Variants in GPR161 observed in about 807,000 individuals in gnomAD.
GPR161 encodes the protein G protein-coupled receptor 161, also known as G-protein coupled receptor RE2.
In GPR161, 25 loss-of-function variants were observed where a neutral mutation model predicts 39.2. The observed-to-expected ratio is 0.64, with a 90% CI of 0.47 to 0.89. The LOEUF is 0.89. Among genes scored for constraint, GPR161 ranks in the 40% least tolerant of loss-of-function variants. GPR161 has a pLI of 0.00. For synonymous variants in GPR161, 286 were observed against 276.6 expected, an observed-to-expected ratio of 1.03 and a Z score of -0.34; for missense variants, 547 against 677.8, an observed-to-expected ratio of 0.81 and a Z score of 2.14.
At chr1:168,126,450 A>ATTGTT (rs775190879) in intron 1 of GPR161, among the ~76,000 whole-genome samples, 13 of 150,474 alleles carry the variant, frequency 8.6e-5, no homozygotes, top group Non-Finnish European at 1.5e-4. Flanking sequence ...TAATACAAGT[A>ATTGTT]TTGTTTTGTT....
intron 1 of GPR161, among the ~76,000 whole-genome samples, chr1:168,105,649 G>A (rs964113602): frequency 6.6e-6 from 1 of 152,322 alleles, no homozygotes; most frequent in East Asian, 1.9e-4. Flanking sequence ...TGGGGAAGTA[G>A]AGGCACCATT....
At chr1:168,088,564 G>C (rs566471223) in intron 4 of GPR161, 3 of 152,208 alleles carry the variant, frequency 2.0e-5, no homozygotes, top group African/African-American at 7.2e-5. Context: ...ACAGACCTAG[G>C]ATCACTGGCA....
intron 1 of GPR161, among the ~76,000 whole-genome samples, chr1:168,110,982 T>G (rs760608121): frequency 6.6e-6 from 1 of 150,688 alleles, no homozygotes; most frequent in Non-Finnish European, 1.5e-5. Flanking sequence ...CGAATGGGTA[T>G]GTTAAACAGC....
rs1474339079 is a variant in GPR161, at chr1:168,080,567, G to GGTA, written c.*4961_*4963dup. On this transcript the variant is annotated 3_prime_UTR_variant, in exon 6 of 6. Transcript: ENST00000682931. ...CATCTGGGGTTCTGCATATATTGTG[G>GGTA]GTAGCATCCCTGCCCTGCCTCTTAG... 6.6e-6 allele frequency: 1 copy of GGTA among 152,192 alleles called. No homozygotes were observed. Among genetic ancestry groups the GGTA allele is most frequent in the Non-Finnish European group, 1.5e-5 (1 of 68,078 alleles). The allele number at this position is 152,192 out of a possible 1,614,324, so 9.4% of individuals were successfully genotyped here.
At chr1:168,085,924 A>G (rs1392754580) in intron 5 of GPR161, 128 bp from the exon 6 acceptor site, 3 of 769,774 alleles carry the variant, frequency 3.9e-6, no homozygotes, top group Non-Finnish European at 6.1e-6. Flanking sequence ...GTGGGTTTCA[A>G]AGTTCCATTC....
At chr1:168,104,062 T>C (rs1248853164) in intron 2 of GPR161, among the ~76,000 whole-genome samples, 1 of 152,094 alleles carries the variant, frequency 6.6e-6, no homozygotes, top group Non-Finnish European at 1.5e-5. Flanking sequence ...CTGTGGGCAG[T>C]GAGGGTGTTC....
intron 1 of GPR161, among the ~76,000 whole-genome samples, chr1:168,123,480 G>GTCTA (rs757941433): frequency 1.2e-4 from 18 of 150,496 alleles, no homozygotes; most frequent in African/African-American, 3.4e-4. Context: ...GTATGTATCT[G>GTCTA]TCTATCTATC....
At chr1:168,113,705 C>T (rs1421278726) in intron 1 of GPR161, among the ~76,000 whole-genome samples, 3 of 152,158 alleles carry the variant, frequency 2.0e-5, no homozygotes, top group Non-Finnish European at 4.4e-5. Context: ...GAGTTGGAGG[C>T]TGTTATCCTT....
chr1:168,084,942 G>A lies in GPR161; in HGVS notation c.*589C>T, dbSNP rs184674669. 2.4e-3 allele frequency: 1,099 copies of A among 456,304 alleles called. 6 individuals are homozygous for A. The highest frequency in any genetic ancestry group is 3.1e-3 in the Non-Finnish European group (712 of 226,964). 28.3% of individuals were successfully genotyped at this position (456,304 alleles called of 1,614,324 possible). ...ATTAGCACCAGCAGGTGGCGCCACT[G>A]AGGACCGCTCCGAAGCGCTCTGCTC... On this transcript the variant is annotated 3_prime_UTR_variant, in exon 6 of 6. Coordinates refer to ENST00000682931, the MANE Select transcript of GPR161 (RefSeq NM_001375883.1).
At chr1:168,113,122 C>A (rs755696895) in intron 1 of GPR161, among the ~76,000 whole-genome samples, 7 of 152,116 alleles carry the variant, frequency 4.6e-5, no homozygotes, top group Non-Finnish European at 1.0e-4. Flanking sequence ...TGGCAGGCAG[C>A]CAGCTTACCC....
In GPR161 at chr1:168,085,521, CCT is replaced by C. The variant is rs773564182; in HGVS notation, c.*8_*9del. On this transcript the variant is annotated 3_prime_UTR_variant, in exon 6 of 6. Transcript: ENST00000682931. The stretch of plus-strand genomic sequence containing the variant: ...CTCTCAGGCTGCAGCCCCACGGCAC[CCT>C]GAGGCCCTCATCTCTGCTCGGCAGC... 4.0e-5 allele frequency: 64 copies of C among 1,605,066 alleles called. 1 individual carries two copies. In the South Asian group the frequency reaches 6.0e-4, roughly 15 times the overall value.
At chr1:168,093,102 T>A (rs115515920) in intron 3 of GPR161, among the ~76,000 whole-genome samples, 234 of 152,294 alleles carry the variant, frequency 1.5e-3, no homozygotes, top group African/African-American at 5.5e-3. Context: ...TAGCCACCAG[T>A]CAGCTTTGTA....
chr1:168,111,053 G>A (rs1402891628), intron 1 of GPR161, among the ~76,000 whole-genome samples: 1 of 152,148 alleles, frequency 6.6e-6, no homozygotes, highest in African/African-American at 2.4e-5. Flanking sequence ...AACGTCCGAG[G>A]AAATTACTCA....
rs1309642241 is a variant in GPR161 at position 168,135,616 on chromosome 1, G to A, written c.-45+1123C>T. Among the ~76,000 whole-genome samples the A allele has an allele frequency of 2.0e-5, 3 of 152,160 alleles. No homozygotes were observed. In the South Asian group the frequency reaches 6.2e-4, roughly 32 times the overall value. The stretch of plus-strand genomic sequence containing the variant: ...TATAAGGGAAAACCGCCTATTCCCC[G>A]AAGCAGTAGCTCTCCAGAACTCATC... On this transcript the variant is annotated intron_variant, in intron 1 of 5. Transcript: ENST00000682931.
chr1:168,087,714 C>A lies in GPR161; in HGVS notation c.1205-10G>T. The A allele has an allele frequency of 1.2e-6, 2 of 1,605,182 alleles. No individual in the cohort carries two copies. Among genetic ancestry groups the A allele is most frequent in the Non-Finnish European group, 1.7e-6 (2 of 1,174,848 alleles). ...AGCATCATATCTGTCCCTAAAACAA[C>A]GGGCAGATTGTGCATATGTAACTAC... On this transcript the variant is annotated splice_polypyrimidine_tract_variant and intron_variant, in intron 4 of 5. Transcript: ENST00000682931.
chr1:168,090,505 G>C, intron 4 of GPR161, 59 bp downstream of exon 4: 1 of 991,318 alleles, frequency 1.0e-6, no homozygotes, highest in Non-Finnish European at 1.6e-6. Context: ...CGCGACACGG[G>C]GGAAACGCAA....
At chr1:168,125,616 TCC>T (rs538405258) in intron 1 of GPR161, among the ~76,000 whole-genome samples, 1 of 139,448 alleles carries the variant, frequency 7.2e-6, no homozygotes, top group South Asian at 2.2e-4. Context: ...CTATCTTGCT[TCC>T]CCCCCCTTTT....
chr1:168,112,522 AAT>A (rs1293687694), intron 1 of GPR161, among the ~76,000 whole-genome samples: 2 of 151,292 alleles, frequency 1.3e-5, no homozygotes, highest in African/African-American at 2.4e-5. Context: ...GAAAAAAAAA[AAT>A]TTGGTAAATA....
At chr1:168,100,500 G>A (rs912044538) in intron 2 of GPR161, among the ~76,000 whole-genome samples, 3 of 152,014 alleles carry the variant, frequency 2.0e-5, no homozygotes, top group Non-Finnish European at 4.4e-5. Flanking sequence ...GCCCAATCAC[G>A]ACCCTTGAAC....
Sources: gnomAD v4.1 joint callset for allele counts (sites outside exome capture counted in the v4.1 genomes callset) on GRCh38, gnomAD v4.1.1 for gene constraint, MANE v1.5 for transcripts, NCBI Gene and HGNC (gene_info 2026-07-23, HGNC 2026-07-21) for gene names.